The following CLMP variants were observed in gnomAD, a reference collection of about 807,000 sequenced individuals.
CLMP encodes CXADR-like membrane protein.
In CLMP, 27 loss-of-function variants were observed where a neutral mutation model predicts 45.2. The ratio of observed to expected loss-of-function variants is 0.60; its 90% CI spans 0.44 to 0.82. The LOEUF is 0.82. CLMP is among the 40% of genes least tolerant of loss of function. The pLI, the probability that CLMP is intolerant of heterozygous loss-of-function variation, is 0.00. For missense variants in CLMP, 403 were observed against 448.4 expected (o/e 0.90, Z 0.91); for synonymous variants, 167 against 171.4 (o/e 0.97, Z 0.20).
intron 1 of CLMP, among the ~76,000 whole-genome samples, chr11:123,107,534 ATTT>A (rs370750162): frequency 1.6e-5 from 2 of 123,408 alleles, no homozygotes; most frequent in Non-Finnish European, 1.7e-5. Context: ...CCTGACCTAA[ATTT>A]TTTTTTTTTT....
chr11:123,101,150 C>A (rs947201850), intron 1 of CLMP, among the ~76,000 whole-genome samples: 1 of 152,190 alleles, frequency 6.6e-6, no homozygotes, highest in East Asian at 1.9e-4. Flanking sequence ...GCTCTGTCAC[C>A]CAGGCTGGAG....
chr11:123,108,532 C>A (rs567192574), intron 1 of CLMP, among the ~76,000 whole-genome samples: 18 of 152,106 alleles, frequency 1.2e-4, no homozygotes, highest in African/African-American at 4.3e-4. Context: ...TATTGAGCTT[C>A]TACCTCCTTC....
intron 1 of CLMP, among the ~76,000 whole-genome samples, chr11:123,169,720 A>T (rs562257586): frequency 2.0e-5 from 3 of 152,300 alleles, no homozygotes; most frequent in African/African-American, 4.8e-5. Flanking sequence ...CTGACAACAT[A>T]TGCTCAAGGT....
intron 1 of CLMP, among the ~76,000 whole-genome samples, chr11:123,150,822 G>A (rs1403750878): frequency 6.6e-6 from 1 of 152,146 alleles, no homozygotes; most frequent in East Asian, 1.9e-4. Context: ...GTTCAAGTGA[G>A]TCTCATACCT....
chr11:123,091,757 C>G (rs1416880743), intron 2 of CLMP, among the ~76,000 whole-genome samples: 2 of 152,228 alleles, frequency 1.3e-5, no homozygotes, highest in Non-Finnish European at 2.9e-5. Flanking sequence ...GACTGTCATG[C>G]AGGCCCATCT....
At chr11:123,164,619 TA>T (rs1861533725) in intron 1 of CLMP, among the ~76,000 whole-genome samples, 1 of 151,890 alleles carries the variant, frequency 6.6e-6, no homozygotes, top group African/African-American at 2.4e-5. Context: ...TTTTTTTTTT[TA>T]AATGAATGAA....
intron 1 of CLMP, among the ~76,000 whole-genome samples, chr11:123,103,832 C>CTTT (rs372976967): frequency 7.3e-6 from 1 of 137,326 alleles, no homozygotes; most frequent in African/African-American, 2.7e-5. Flanking sequence ...GGTTCTGTCT[C>CTTT]TTTTTTTTTT....
chr11:123,150,470 AGAAAGAAAGAAAGG>A (rs1379717454), intron 1 of CLMP, among the ~76,000 whole-genome samples: 85 of 106,998 alleles, frequency 7.9e-4, no homozygotes, highest in Admixed American at 1.4e-3. Context: ...AAAGAAAGAA[AGAAAGAAAGAAAGG>A]AAGGAAGGAA....
intron 1 of CLMP, among the ~76,000 whole-genome samples, chr11:123,150,480 A>AAAGGAAGAAAGGAAGGAAGG (rs1861308107): frequency 1.2e-4 from 5 of 40,964 alleles, no homozygotes; most frequent in Non-Finnish European, 2.4e-4. Context: ...AGAAAGAAAG[A>AAAGGAAGAAAGGAAGGAAGG]AAGGAAGGAA....
chr11:123,162,926 A>C (rs1861506874), intron 1 of CLMP, among the ~76,000 whole-genome samples: 1 of 151,752 alleles, frequency 6.6e-6, no homozygotes, highest in South Asian at 2.1e-4. Flanking sequence ...AGAGAAGAAA[A>C]CCAAAAAATA....
chr11:123,174,653 C>T (rs915438979), intron 1 of CLMP, among the ~76,000 whole-genome samples: 2 of 152,178 alleles, frequency 1.3e-5, no homozygotes, highest in African/African-American at 4.8e-5. Flanking sequence ...GCTGGTCTAT[C>T]CATCTTCTAA....
In CLMP at chr11:123,145,467, T is replaced by G. The variant is rs137940303; in HGVS notation, c.29-47515A>C. 2.3e-3 allele frequency among the ~76,000 whole-genome samples: 173 copies of G among 74,662 alleles called. 1 individual carries two copies. Among genetic ancestry groups the G allele is most frequent in the African/African-American group, 0.011 (159 of 14,018 alleles). 49.0% of individuals were successfully genotyped at this position (74,662 alleles called of 152,430 possible). On this transcript the variant is annotated intron_variant, in intron 1 of 6. Coordinates refer to ENST00000448775, the MANE Select transcript of CLMP (RefSeq NM_024769.5). ...CTCTGCGGCTGTTTTTTTTTTTTTT[T>G]TTTTTTTTTTTTGAGACGGGAGTCT... is the stretch of plus-strand genomic sequence containing the variant.
rs546800028 is a variant in CLMP at position 123,188,549 on chromosome 11, C to T, written c.28+6364G>A. ...TTGCTGCCGCTCTTTACAAAAACCC[C>T]CAATATTCCACACCCACTGAGGGAC... is the stretch of plus-strand genomic sequence containing the variant. On this transcript the variant is annotated intron_variant, in intron 1 of 6. Transcript: ENST00000448775. 2.0e-5 allele frequency among the ~76,000 whole-genome samples: 3 copies of T among 152,208 alleles called. No individual in the cohort carries two copies. In the East Asian group the frequency reaches 5.8e-4, roughly 29 times the overall value.
intron 2 of CLMP, among the ~76,000 whole-genome samples, chr11:123,086,694 C>T (rs1192679425): frequency 6.6e-6 from 1 of 152,166 alleles, no homozygotes; most frequent in Non-Finnish European, 1.5e-5. Context: ...AGCCCTTCTC[C>T]TGGATGTGGT....
chr11:123,129,577 T>C (rs1247820487), intron 1 of CLMP, among the ~76,000 whole-genome samples: 1 of 140,012 alleles, frequency 7.1e-6, no homozygotes, highest in East Asian at 2.0e-4. Context: ...AATTATATAA[T>C]ATATATTGTA....
intron 1 of CLMP, among the ~76,000 whole-genome samples, chr11:123,169,668 A>G (rs1861603572): frequency 6.6e-6 from 1 of 152,188 alleles, no homozygotes; most frequent in South Asian, 2.1e-4. Context: ...TTCTGAACCA[A>G]ATAAGAGTGA....
intron 1 of CLMP, among the ~76,000 whole-genome samples, chr11:123,116,942 T>G (rs1860729118): frequency 6.6e-6 from 1 of 152,110 alleles, no homozygotes; most frequent in Non-Finnish European, 1.5e-5. Flanking sequence ...ATAGTTTATA[T>G]TATTTATAGA....
chr11:123,175,116 A>G (rs955928294), intron 1 of CLMP, among the ~76,000 whole-genome samples: 6 of 152,096 alleles, frequency 3.9e-5, no homozygotes, highest in Non-Finnish European at 8.8e-5. Flanking sequence ...ACCATGCCTG[A>G]CTTATTAAAA....
At chr11:123,183,658 T>C (rs953870853) in intron 1 of CLMP, among the ~76,000 whole-genome samples, 1 of 152,182 alleles carries the variant, frequency 6.6e-6, no homozygotes, top group African/African-American at 2.4e-5. Flanking sequence ...CCACAGGACA[T>C]GGGCAAACAG....
Sources: allele counts gnomAD v4.1 joint callset (sites outside exome capture counted in the v4.1 genomes callset), GRCh38; gene constraint gnomAD v4.1.1; transcripts MANE v1.5; gene names NCBI Gene and HGNC (gene_info 2026-07-23, HGNC 2026-07-21).